The following NEDD4 variants were observed in gnomAD, a reference collection of about 807,000 sequenced individuals.
NEDD4 encodes the protein NEDD4 E3 ubiquitin protein ligase, also known as E3 ubiquitin-protein ligase NEDD4.
A neutral mutation model predicts 144.9 loss-of-function variants in NEDD4; 99 were observed. The ratio of observed to expected loss-of-function variants is 0.68; its 90% CI spans 0.58 to 0.81. NEDD4 has a LOEUF of 0.81. Ranked by LOEUF, NEDD4 falls within the 30% of genes least tolerant of loss-of-function variation. NEDD4 has a pLI of 0.00. For synonymous variants in NEDD4, 318 were observed against 350.6 expected, an observed-to-expected ratio of 0.91 and a Z score of 1.04; for missense variants, 985 against 1,065.9, an observed-to-expected ratio of 0.92 and a Z score of 1.06.
intron 27 of NEDD4, 47 bp from the exon 28 acceptor site, chr15:55,830,633 TC>T: frequency 6.5e-7 from 1 of 1,532,338 alleles, no homozygotes; most frequent in Admixed American, 1.7e-5. Flanking sequence ...TACAAGGATC[TC>T]CAGGCATATC....
At chr15:55,869,969 T>A (rs116184318) in intron 7 of NEDD4, among the ~76,000 whole-genome samples, 2,877 of 152,102 alleles carry the variant, frequency 0.019, 79 homozygotes, top group African/African-American at 0.066. Flanking sequence ...AAGCTGGCCT[T>A]TGAGTTGGGG....
intron 4 of NEDD4, among the ~76,000 whole-genome samples, chr15:55,925,408 G>A (rs1490312473): frequency 6.6e-6 from 1 of 152,186 alleles, no homozygotes; most frequent in Non-Finnish European, 1.5e-5. Context: ...TCAGAAACTA[G>A]TGTTGTGAAT....
At chr15:55,888,141 C>T (rs760325038) in intron 5 of NEDD4, among the ~76,000 whole-genome samples, 8 of 151,294 alleles carry the variant, frequency 5.3e-5, no homozygotes, top group Non-Finnish European at 1.0e-4. Flanking sequence ...CTACAGCAAT[C>T]AGGCAAGAAA....
intron 5 of NEDD4, among the ~76,000 whole-genome samples, chr15:55,899,272 C>T (rs564643162): frequency 2.6e-5 from 4 of 152,090 alleles, no homozygotes; most frequent in Non-Finnish European, 5.9e-5. Flanking sequence ...AAAAGTTTTA[C>T]TTTTTGAAAT....
chr15:55,985,961 A>G (rs1296178116), intron 1 of NEDD4, among the ~76,000 whole-genome samples: 5 of 152,238 alleles, frequency 3.3e-5, no homozygotes, highest in Non-Finnish European at 7.3e-5. Flanking sequence ...GCCTGGAACA[A>G]CTTCTGCCAG....
At position 55,853,133 on chromosome 15, in the gene NEDD4, T is replaced by A. The variant is rs546351124; in HGVS notation, c.1027-590A>T. Reference sequence around the variant, plus strand: ...ACTACTTGTTTGCTTTAAAACAAATTATATTTTATTTTGAACTAAAACCAT... The same window carrying A: ...ACTACTTGTTTGCTTTAAAACAAATAATATTTTATTTTGAACTAAAACCAT... On this transcript the variant is annotated intron_variant, in intron 12 of 28. Coordinates refer to ENST00000435532, the MANE Select transcript of NEDD4 (RefSeq NM_006154.4). 7.2e-4 allele frequency among the ~76,000 whole-genome samples: 110 copies of A among 152,312 alleles called. 2 individuals carry two copies. In the South Asian group the frequency reaches 0.012, roughly 16 times the overall value.
intron 1 of NEDD4, among the ~76,000 whole-genome samples, chr15:55,991,537 T>C (rs1361467155): frequency 2.6e-5 from 4 of 152,212 alleles, no homozygotes; most frequent in African/African-American, 9.6e-5. Flanking sequence ...CCAATTACAA[T>C]GGAAGAAGTG....
intron 1 of NEDD4, among the ~76,000 whole-genome samples, chr15:55,977,902 T>G (rs1488232597): frequency 6.6e-6 from 1 of 152,168 alleles, no homozygotes; most frequent in African/African-American, 2.4e-5. Flanking sequence ...CAAAACTGAA[T>G]TCTGCCAATT....
At chr15:55,876,840 T>C (rs1010149014) in intron 5 of NEDD4, among the ~76,000 whole-genome samples, 1 of 152,096 alleles carries the variant, frequency 6.6e-6, no homozygotes, top group Non-Finnish European at 1.5e-5. Flanking sequence ...TTTTATTAAA[T>C]GTTTTTCTTT....
intron 4 of NEDD4, among the ~76,000 whole-genome samples, chr15:55,927,476 T>TTC (rs2036697776): frequency 6.6e-6 from 1 of 152,138 alleles, no homozygotes; most frequent in Admixed American, 6.5e-5. Flanking sequence ...TTAAAAATTT[T>TTC]TGCAGAGACA....
intron 12 of NEDD4, 136 bp from the exon 13 acceptor site, chr15:55,852,679 C>A: frequency 3.4e-6 from 1 of 295,706 alleles, no homozygotes; most frequent in Admixed American, 5.9e-5. Context: ...TACAGTTTTG[C>A]CTTTTCTAGA....
chr15:55,916,050 T>A (rs1402457449), intron 5 of NEDD4: 4 of 1,613,886 alleles, frequency 2.5e-6, no homozygotes, highest in Non-Finnish European at 3.4e-6. Context: ...GGAGTAACGT[T>A]TTAGTGGAAT....
rs567822844 is a variant in NEDD4, at chr15:55,950,759, G to A, written c.237+617C>T. ...CTCAACAGCTAAAGGGGAATATGGG[G>A]TCAAGGAAGAACATTTTAGGGATGA... On this transcript the variant is annotated intron_variant, in intron 4 of 28. Transcript: ENST00000435532. 3.3e-5 allele frequency among the ~76,000 whole-genome samples: 5 copies of A among 152,306 alleles called. No homozygotes were observed. The South Asian group carries it at 1.0e-3, about 32-fold the overall frequency.
intron 4 of NEDD4, among the ~76,000 whole-genome samples, chr15:55,944,032 A>T (rs1174866710): frequency 6.6e-6 from 1 of 152,208 alleles, no homozygotes; most frequent in African/African-American, 2.4e-5. Context: ...AAGATGGCCA[A>T]ATAGGAACAG....
intron 2 of NEDD4, among the ~76,000 whole-genome samples, chr15:55,961,595 C>T (rs1348178858): frequency 1.3e-5 from 2 of 151,996 alleles, no homozygotes; most frequent in Non-Finnish European, 2.9e-5. Context: ...CTCAGCCTCC[C>T]GAGCAGCTGG....
At chr15:55,990,933 A>C (rs1257824242) in intron 1 of NEDD4, among the ~76,000 whole-genome samples, 2 of 152,206 alleles carry the variant, frequency 1.3e-5, no homozygotes, top group Admixed American at 1.3e-4. Context: ...AGCCAGGGTG[A>C]TCTCTTACTA....
intron 5 of NEDD4, among the ~76,000 whole-genome samples, chr15:55,876,651 G>C (rs910106773): frequency 1.3e-5 from 2 of 151,998 alleles, no homozygotes; most frequent in Non-Finnish European, 2.9e-5. Context: ...CAGGAAAAGA[G>C]AAACAAAGAA....
At chr15:55,949,182 C>G (rs2037182773) in intron 4 of NEDD4, among the ~76,000 whole-genome samples, 1 of 152,068 alleles carries the variant, frequency 6.6e-6, no homozygotes, top group South Asian at 2.1e-4. Flanking sequence ...TTTATGCAGC[C>G]AAAAAACACA....
chr15:55,911,807 C>T (rs1282840690), intron 5 of NEDD4, among the ~76,000 whole-genome samples: 7 of 152,234 alleles, frequency 4.6e-5, no homozygotes, highest in Admixed American at 2.0e-4. Context: ...GGATTACAGG[C>T]GTGAGCCACC....
Sources: allele counts gnomAD v4.1 joint callset (sites outside exome capture counted in the v4.1 genomes callset), GRCh38; gene constraint gnomAD v4.1.1; transcripts MANE v1.5; gene names NCBI Gene and HGNC (gene_info 2026-07-23, HGNC 2026-07-21).